TESPA1: variants seen among roughly 807,000 people sequenced by gnomAD.
The protein encoded by TESPA1 is thymocyte expressed, positive selection associated 1.
In TESPA1, 33 loss-of-function variants were observed where a neutral mutation model predicts 57.9. The observed-to-expected ratio is 0.57, with a 90% confidence interval of 0.43 to 0.76. The LOEUF (loss-of-function observed/expected upper bound fraction) is 0.76. TESPA1 is among the 30% of genes least tolerant of loss of function. TESPA1 has a pLI of 0.00. For synonymous variants in TESPA1, 227 were observed against 228.9 expected (o/e 0.99, Z 0.07); for missense variants, 618 against 632.9 (o/e 0.98, Z 0.25).
At chr12:54,950,910 G>A (rs1950345738) in intron 10 of TESPA1, among the ~76,000 whole-genome samples, 1 of 151,966 alleles carries the variant, frequency 6.6e-6, no homozygotes, top group South Asian at 2.1e-4. Context: ...CTCTCCAGAT[G>A]ACCAATATAA....
chr12:54,958,597 G>A (rs749919666), intron 10 of TESPA1, among the ~76,000 whole-genome samples: 1 of 151,956 alleles, frequency 6.6e-6, no homozygotes, highest in Non-Finnish European at 1.5e-5. Flanking sequence ...TATTGTTTCA[G>A]ATATTTCTTT....
Position 54,962,635 on chromosome 12 carries a change from C to T in TESPA1, c.1263G>A (p.Thr421=), listed in dbSNP as rs200398984. ...TCTCATCCTTGGCTGGATGGGTTTC[C>T]GTATTGGTGGCTGGTAGACTACACA... The part of the protein sequence containing the change: ...RELCSLPATN[T]ETHPAKDETF... Residue 421 remains threonine, a synonymous_variant, in exon 9 of 11, where the codon ACG becomes ACA. Transcript: ENST00000449076. 1,300 of 1,613,864 alleles carry T rather than the reference C, an allele frequency of 8.1e-4. 8 individuals are homozygous for T. In the Middle Eastern group the frequency reaches 0.013, roughly 16 times the overall value.
At chr12:54,957,483 A>T (rs1388955135) in intron 10 of TESPA1, among the ~76,000 whole-genome samples, 1 of 152,182 alleles carries the variant, frequency 6.6e-6, no homozygotes, top group Non-Finnish European at 1.5e-5. Flanking sequence ...CATATTTATC[A>T]CACAGGCTTT....
At chr12:54,967,089 T>A in intron 5 of TESPA1, 94 bp downstream of exon 5, 1 of 1,430,884 alleles carries the variant, frequency 7.0e-7, no homozygotes. Flanking sequence ...GATGGGCTGT[T>A]TCTTTCTGAA....
At position 54,974,590 on chromosome 12, in the gene TESPA1, C is replaced by T. The variant is rs747588356; in HGVS notation, c.-28G>A. 1.3e-5 allele frequency: 20 copies of T among 1,508,342 alleles called. No individual in the cohort carries two copies. The African/African-American group carries it at 1.7e-4, about 13-fold the overall frequency. The allele number at this position is 1,508,342 out of a possible 1,614,324, so 93.4% of individuals were successfully genotyped here. A position where few individuals can be genotyped will look rare whatever the true frequency, so the allele number is the denominator to read the frequency against. On this transcript the variant is annotated 5_prime_UTR_variant, in exon 2 of 11. Coordinates refer to ENST00000449076, the MANE Select transcript of TESPA1 (RefSeq NM_001136030.3). ...CCCTGGCTCAGACTTCAGGGCCTCC[C>T]GTAACAGTAATGCCGTCCTAAGAGT... is the stretch of plus-strand genomic sequence containing the variant.
chr12:54,979,949 TAATCCTGAC>T (rs1952254188), intron 1 of TESPA1, among the ~76,000 whole-genome samples: 1 of 152,172 alleles, frequency 6.6e-6, no homozygotes, highest in South Asian at 2.1e-4. Context: ...CTGCTTAACT[TAATCCTGAC>T]AACCACTTTA....
chr12:54,965,439 T>C (rs1414215114), intron 7 of TESPA1, among the ~76,000 whole-genome samples: 2 of 152,140 alleles, frequency 1.3e-5, no homozygotes, highest in African/African-American at 2.4e-5. Context: ...CGTGAAAACA[T>C]GTGGTGTTTG....
chr12:54,976,453 A>G (rs1187851690), intron 1 of TESPA1, among the ~76,000 whole-genome samples: 2 of 151,144 alleles, frequency 1.3e-5, no homozygotes, highest in Non-Finnish European at 3.0e-5. Context: ...CTCACAGAAC[A>G]TTTTTGGTCG....
rs1011701300 is a variant in TESPA1 at position 54,969,660 on chromosome 12, G to A, written c.207-1768C>T. 3.9e-5 allele frequency among the ~76,000 whole-genome samples: 6 copies of A among 152,168 alleles called. No individual in the cohort carries two copies. In the South Asian group the frequency reaches 1.0e-3, roughly 26 times the overall value. ...ATAAGAATGAGTTACTGCTGCATGCGAATACTTGGATAAGCATCATAAACA... is the reference window on the plus strand; with the variant it reads ...ATAAGAATGAGTTACTGCTGCATGCAAATACTTGGATAAGCATCATAAACA... On this transcript the variant is annotated intron_variant, in intron 3 of 10. Transcript: ENST00000449076.
chr12:54,973,610 C>T, intron 2 of TESPA1, 91 bp from the exon 3 acceptor site: 20 of 1,602,140 alleles, frequency 1.2e-5, no homozygotes, highest in Non-Finnish European at 1.7e-5. Flanking sequence ...TTTATTCTTA[C>T]ATAAGCTGCG....
chr12:54,966,436 A>G lies in TESPA1; in HGVS notation c.311-12T>C. On this transcript the variant is annotated splice_polypyrimidine_tract_variant and intron_variant, in intron 5 of 10. Transcript: ENST00000449076. ...GGCCAGTAGTGTGGCTGGACAAGAA[A>G]CAGAGAAGCAAAGAGCAAATTAGAA... The G allele has an allele frequency of 1.2e-6, 2 of 1,612,330 alleles. No individual in the cohort carries two copies. The highest frequency in any genetic ancestry group is 8.5e-7 in the Non-Finnish European group (1 of 1,179,286).
chr12:54,958,451 T>C (rs1950867460), intron 10 of TESPA1, among the ~76,000 whole-genome samples: 1 of 152,130 alleles, frequency 6.6e-6, no homozygotes. Context: ...TGTGATTTTC[T>C]GTAGTTTAAA....
At chr12:54,963,465 G>A (rs75045906) in intron 8 of TESPA1, among the ~76,000 whole-genome samples, 3 of 152,134 alleles carry the variant, frequency 2.0e-5, no homozygotes, top group African/African-American at 7.2e-5. Context: ...AAAAAAGAGG[G>A]ATAAGATTTA....
intron 10 of TESPA1, among the ~76,000 whole-genome samples, chr12:54,958,799 A>G (rs1411022908): frequency 6.6e-6 from 1 of 152,192 alleles, no homozygotes; most frequent in African/African-American, 2.4e-5. Flanking sequence ...CCAGTCCACC[A>G]ATAAGCCCAT....
chr12:54,973,886 A>G, intron 2 of TESPA1: 1 of 1,066,144 alleles, frequency 9.4e-7, no homozygotes, highest in Non-Finnish European at 1.1e-6. Flanking sequence ...ATAAGCATTT[A>G]TTTCCATCAG....
Position 54,961,226 on chromosome 12 carries a change from C to T in TESPA1, c.1509G>A (p.Trp503Ter). Residue 503 changes from tryptophan to a stop codon, truncating the protein, a stop_gained, in exon 10 of 11, where the codon TGG (tryptophan) becomes TGA (stop). Coordinates refer to ENST00000449076, the MANE Select transcript of TESPA1 (RefSeq NM_001136030.3). LOFTEE classifies it high-confidence loss of function. The part of the protein sequence containing the change: ...NSEEEQSQSR[W>*]PSRPRHPHHH... ...GGTGGGGGTGCCTGGGTCTGCTGGG[C>T]CAGCGACTCTGACTCTGCTCCTCCT... 2 of 1,613,916 alleles carry T rather than the reference C, an allele frequency of 1.2e-6. No individual in the cohort carries two copies. Among genetic ancestry groups the T allele is most frequent in the Non-Finnish European group, 1.7e-6 (2 of 1,179,866 alleles).
intron 4 of TESPA1, 108 bp from the exon 5 acceptor site, chr12:54,967,344 T>C: frequency 8.0e-7 from 1 of 1,244,904 alleles, no homozygotes; most frequent in South Asian, 1.3e-5. Flanking sequence ...TAGACTAGAC[T>C]TGCACAACCA....
chr12:54,965,048 A>G (rs899653351), intron 7 of TESPA1, among the ~76,000 whole-genome samples: 3 of 152,232 alleles, frequency 2.0e-5, no homozygotes, highest in Non-Finnish European at 4.4e-5. Flanking sequence ...AATTTCAGAT[A>G]CTTTTCATTA....
chr12:54,954,663 T>C (rs1487210754), intron 10 of TESPA1, among the ~76,000 whole-genome samples: 18 of 152,230 alleles, frequency 1.2e-4, no homozygotes, highest in Admixed American at 1.2e-3. Flanking sequence ...GAGCCTCTAG[T>C]AATTATACTG....
Sources: allele counts gnomAD v4.1 joint callset (sites outside exome capture counted in the v4.1 genomes callset), GRCh38; gene constraint gnomAD v4.1.1; transcripts MANE v1.5; gene names NCBI Gene and HGNC (gene_info 2026-07-23, HGNC 2026-07-21).